The following NEDD4L variants were observed in gnomAD, a reference collection of about 807,000 sequenced individuals.
NEDD4L encodes the protein NEDD4 like E3 ubiquitin protein ligase, also known as E3 ubiquitin-protein ligase NEDD4-like.
NEDD4L carries 54 observed loss-of-function variants against 148.9 expected under a neutral mutation model. That is an observed-to-expected ratio of 0.36 (90% CI 0.29 to 0.45). The LOEUF is 0.45. Ranked by LOEUF, NEDD4L falls within the 20% of genes least tolerant of loss-of-function variation. NEDD4L has a pLI of 1.00. For synonymous variants in NEDD4L, 433 were observed against 440.7 expected (o/e 0.98, Z 0.22); for missense variants, 856 against 1,233.8 (o/e 0.69, Z 4.59).
intron 2 of NEDD4L, among the ~76,000 whole-genome samples, chr18:58,202,579 T>A (rs1465497125): frequency 1.3e-5 from 2 of 152,252 alleles, no homozygotes; most frequent in Non-Finnish European, 2.9e-5. Context: ...CAGTTCCTTT[T>A]CAACACGTGG....
At chr18:58,217,711 T>G (rs2043294832) in intron 2 of NEDD4L, among the ~76,000 whole-genome samples, 1 of 152,190 alleles carries the variant, frequency 6.6e-6, no homozygotes, top group Non-Finnish European at 1.5e-5. Flanking sequence ...AGATAAAACA[T>G]AAAGCATTGA....
intron 2 of NEDD4L, among the ~76,000 whole-genome samples, chr18:58,231,237 C>CAAA (rs67220469): frequency 1.2e-4 from 11 of 90,110 alleles, no homozygotes; most frequent in African/African-American, 2.8e-4. Flanking sequence ...GACCCTATCT[C>CAAA]AAAAAAAAAA....
chr18:58,113,787 C>T (rs2085569633), intron 1 of NEDD4L, among the ~76,000 whole-genome samples: 1 of 152,050 alleles, frequency 6.6e-6, no homozygotes, highest in Non-Finnish European at 1.5e-5. Flanking sequence ...ACAAAACCCA[C>T]TCTAGTTGCT....
chr18:58,123,860 T>C (rs7235976), intron 1 of NEDD4L, among the ~76,000 whole-genome samples: 2,610 of 152,220 alleles, frequency 0.017, 29 homozygotes, highest in African/African-American at 0.026. Context: ...TCAGGCCCCT[T>C]GCCACTCTCA....
At chr18:58,140,029 T>A (rs981531543) in intron 1 of NEDD4L, among the ~76,000 whole-genome samples, 1 of 152,142 alleles carries the variant, frequency 6.6e-6, no homozygotes, top group Admixed American at 6.5e-5. Context: ...GGGTCAAGAA[T>A]AGAGGCAGGG....
At chr18:58,227,802 C>G (rs765595397) in intron 2 of NEDD4L, 109 of 827,946 alleles carry the variant, frequency 1.3e-4, no homozygotes, top group Admixed American at 3.7e-4. Flanking sequence ...TTCAAACTCC[C>G]TAAGAGCAGA....
At chr18:58,323,675 T>G (rs1568695802) in intron 8 of NEDD4L, among the ~76,000 whole-genome samples, 1 of 152,240 alleles carries the variant, frequency 6.6e-6, no homozygotes, top group Admixed American at 6.5e-5. Flanking sequence ...TTTTAGCCAT[T>G]GAGGTCGCTT....
chr18:58,054,057 G>C (rs1046522685), intron 1 of NEDD4L, among the ~76,000 whole-genome samples: 15 of 152,192 alleles, frequency 9.9e-5, no homozygotes. Context: ...GAAGATGTTC[G>C]TGTTGAATGG....
At chr18:58,181,450 T>A (rs1458832386) in intron 2 of NEDD4L, among the ~76,000 whole-genome samples, 1 of 152,230 alleles carries the variant, frequency 6.6e-6, no homozygotes, top group African/African-American at 2.4e-5. Context: ...GATTAATTAA[T>A]TAGCAGAGCC....
chr18:58,325,350 C>T (rs1213762435), intron 9 of NEDD4L, among the ~76,000 whole-genome samples, 188 bp downstream of exon 9: 1 of 152,236 alleles, frequency 6.6e-6, no homozygotes, highest in Non-Finnish European at 1.5e-5. Flanking sequence ...ATATTGTAAG[C>T]GATTGCCTTT....
At chr18:58,251,615 A>G (rs775484999) in intron 4 of NEDD4L, among the ~76,000 whole-genome samples, 2 of 152,072 alleles carry the variant, frequency 1.3e-5, no homozygotes, top group African/African-American at 4.8e-5. Context: ...AATCTTCTTC[A>G]TTATTTTTAT....
At chr18:58,094,645 A>G (rs575346546) in intron 1 of NEDD4L, among the ~76,000 whole-genome samples, 1 of 152,126 alleles carries the variant, frequency 6.6e-6, no homozygotes, top group South Asian at 2.1e-4. Context: ...ATTCGTAATC[A>G]CACCTCAGAG....
rs1472284798 is a variant in NEDD4L at position 58,044,353 on chromosome 18, G to A, written c.-308G>A. 3 of 169,414 alleles carry A rather than the reference G, an allele frequency of 1.8e-5. No individual in the cohort carries two copies. The highest frequency in any genetic ancestry group is 2.4e-5 in the African/African-American group (1 of 41,870). The allele number at this position is 169,414 out of a possible 1,614,324, so 10.5% of individuals were successfully genotyped here. ...GAGGCGCGGGTCGCGGGGAGGGAAA[G>A]CCCGGCCGGGTCTGCGCCGCCGCCG... On this transcript the variant is annotated 5_prime_UTR_variant, in exon 1 of 31. Transcript: ENST00000400345.
chr18:58,147,614 A>G (rs1214930255), intron 1 of NEDD4L, among the ~76,000 whole-genome samples: 1 of 152,202 alleles, frequency 6.6e-6, no homozygotes, highest in Non-Finnish European at 1.5e-5. Flanking sequence ...ACATCAGCTA[A>G]TGTTAAAATT....
intron 6 of NEDD4L, among the ~76,000 whole-genome samples, chr18:58,318,803 T>C (rs1601166140): frequency 6.6e-6 from 1 of 152,166 alleles, no homozygotes; most frequent in Admixed American, 6.5e-5. Context: ...CAGCTCTGTC[T>C]CCCCTTCCCC....
intron 5 of NEDD4L, among the ~76,000 whole-genome samples, chr18:58,267,634 T>C (rs969101306): frequency 1.8e-4 from 27 of 152,098 alleles, no homozygotes; most frequent in Non-Finnish European, 1.5e-5. Context: ...CCTGTCATTT[T>C]CATGTTGCAA....
intron 24 of NEDD4L, among the ~76,000 whole-genome samples, chr18:58,382,443 AGT>A (rs2048461621): frequency 6.6e-6 from 1 of 152,266 alleles, no homozygotes; most frequent in Non-Finnish European, 1.5e-5. Flanking sequence ...CCACCAAAAT[AGT>A]GGCATGGCTT....
chr18:58,373,028 G>T (rs2047102296), intron 23 of NEDD4L, 146 bp from the exon 24 acceptor site: 1 of 601,560 alleles, frequency 1.7e-6, no homozygotes, highest in Non-Finnish European at 3.0e-6. Flanking sequence ...GGAAGGTTTG[G>T]TTTAGGTGGA....
chr18:58,288,688 G>A (rs1267149268), intron 5 of NEDD4L, among the ~76,000 whole-genome samples: 1 of 152,194 alleles, frequency 6.6e-6, no homozygotes, highest in Non-Finnish European at 1.5e-5. Flanking sequence ...TAGTGCCATT[G>A]AGGTCTGTTG....
Sources: gnomAD v4.1 joint callset for allele counts (sites outside exome capture counted in the v4.1 genomes callset) on GRCh38, gnomAD v4.1.1 for gene constraint, MANE v1.5 for transcripts, NCBI Gene and HGNC (gene_info 2026-07-23, HGNC 2026-07-21) for gene names.